Variants in SYNRG observed in about 807,000 individuals in gnomAD.
The protein encoded by SYNRG is synergin gamma.
A neutral mutation model predicts 130.9 loss-of-function variants in SYNRG; 37 were observed. The ratio of observed to expected loss-of-function variants is 0.28; its 90% confidence interval spans 0.22 to 0.37. The LOEUF is 0.37. Ranked by LOEUF, SYNRG falls within the 10% of genes least tolerant of loss-of-function variation. The pLI, the probability that SYNRG is intolerant of heterozygous loss-of-function variation, is 1.00. For synonymous variants in SYNRG, 539 were observed against 568.1 expected, an observed-to-expected ratio of 0.95 and a Z score of 0.73; for missense variants, 1,338 against 1,588.9, an observed-to-expected ratio of 0.84 and a Z score of 2.68.
At chr17:37,604,100 C>A (rs765357964) in intron 1 of SYNRG, among the ~76,000 whole-genome samples, 1 of 151,912 alleles carries the variant, frequency 6.6e-6, no homozygotes, top group Non-Finnish European at 1.5e-5. Flanking sequence ...ATTAGCCTGG[C>A]GTGGTGGTGC....
chr17:37,543,027 C>A (rs1304301864), intron 14 of SYNRG, among the ~76,000 whole-genome samples: 1 of 152,092 alleles, frequency 6.6e-6, no homozygotes, highest in Non-Finnish European at 1.5e-5. Context: ...GACAGTTTCT[C>A]AAAACTAAAA....
intron 14 of SYNRG, among the ~76,000 whole-genome samples, chr17:37,546,916 A>C (rs1293825812): frequency 1.3e-5 from 2 of 152,160 alleles, no homozygotes; most frequent in South Asian, 4.2e-4. Context: ...CCTGGGCCCT[A>C]ATCTCCCTTA....
intron 7 of SYNRG, 23 bp from the exon 8 acceptor site, chr17:37,576,441 G>A: frequency 1.2e-6 from 2 of 1,601,554 alleles, no homozygotes; most frequent in East Asian, 2.2e-5. Context: ...AAACATTAAT[G>A]TATATAGTGG....
At chr17:37,590,994 T>C (rs1324901884) in intron 3 of SYNRG, among the ~76,000 whole-genome samples, 1 of 152,164 alleles carries the variant, frequency 6.6e-6, no homozygotes, top group Non-Finnish European at 1.5e-5. Context: ...GAAAGTATTT[T>C]TCAATTCTTT....
Position 37,570,797 on chromosome 17 carries a change from G to A in SYNRG, c.1187C>T (p.Pro396Leu). ...CACAGTTGGCTGACTCACCGGTGTA[G>A]GCAGAGTCATAGAAAAGCCACTTAA... Reference protein sequence around the residue: ...PTLSGFSMTLPTPVSQPTVIP... With the variant: ...PTLSGFSMTLLTPVSQPTVIP... The change falls in exon 10 of 22, where the codon CCT becomes CTT. Residue 396 changes from proline to leucine, a missense_variant. This residue lies in a region of SYNRG where 1,146 missense variants were observed against 1,342.3 expected (regional missense o/e 0.85). Transcript: ENST00000612223. 6.2e-7 allele frequency: 1 copy of A among 1,614,200 alleles called. No individual in the cohort carries two copies. The highest frequency in any genetic ancestry group is 8.5e-7 in the Non-Finnish European group (1 of 1,180,040).
At chr17:37,544,561 C>T (rs1396093711) in intron 14 of SYNRG, among the ~76,000 whole-genome samples, 4 of 152,076 alleles carry the variant, frequency 2.6e-5, no homozygotes, top group Non-Finnish European at 1.5e-5. Flanking sequence ...GTGATCCGCC[C>T]GTCTCGGCCT....
At chr17:37,520,685 C>G (rs1417910992) in intron 19 of SYNRG, 37 bp from the exon 20 acceptor site, 1 of 1,555,050 alleles carries the variant, frequency 6.4e-7, no homozygotes, top group East Asian at 2.2e-5. Context: ...AAGAAGTCCA[C>G]AAGTCCACAC....
chr17:37,595,756 CTTT>C (rs950957073), intron 3 of SYNRG, among the ~76,000 whole-genome samples: 4 of 140,670 alleles, frequency 2.8e-5, no homozygotes, highest in Admixed American at 7.1e-5. Context: ...TTCCTCTGGC[CTTT>C]TTTTTTTTTT....
At chr17:37,568,311 C>T (rs2060149971) in intron 11 of SYNRG, 2 of 152,496 alleles carry the variant, frequency 1.3e-5, no homozygotes, top group South Asian at 4.1e-4. Context: ...TCTATGCAAA[C>T]AACAGAAATC....
chr17:37,587,968 T>C (rs1445261041), intron 3 of SYNRG, among the ~76,000 whole-genome samples: 1 of 152,092 alleles, frequency 6.6e-6, no homozygotes, highest in East Asian at 1.9e-4. Context: ...TGTTAATTTA[T>C]TTTTTTTCCG....
chr17:37,558,680 A>G (rs1055766118), intron 13 of SYNRG, among the ~76,000 whole-genome samples: 16 of 152,170 alleles, frequency 1.1e-4, no homozygotes, highest in African/African-American at 3.9e-4. Context: ...TAAAGTGGTG[A>G]TTGAGTTTAA....
intron 19 of SYNRG, among the ~76,000 whole-genome samples, chr17:37,526,102 C>T (rs1238582986): frequency 6.6e-6 from 1 of 151,998 alleles, no homozygotes; most frequent in African/African-American, 2.4e-5. Context: ...CACTGCACTC[C>T]AGCCTGGGCA....
intron 11 of SYNRG, among the ~76,000 whole-genome samples, chr17:37,564,119 T>G (rs2059745568): frequency 6.6e-6 from 1 of 152,158 alleles, no homozygotes. Context: ...AGTGCTGGGA[T>G]TACAGGTGTG....
chr17:37,580,697 G>C (rs1485432240), intron 6 of SYNRG, among the ~76,000 whole-genome samples: 4 of 152,106 alleles, frequency 2.6e-5, no homozygotes, highest in African/African-American at 9.7e-5. Context: ...ACCACACCCA[G>C]CTAACTTTTG....
chr17:37,537,631 AAAAAG>A (rs935430541), intron 18 of SYNRG, among the ~76,000 whole-genome samples: 4 of 152,192 alleles, frequency 2.6e-5, no homozygotes, highest in African/African-American at 4.8e-5. Context: ...ACCTGTCTTA[AAAAAG>A]AAAAGAAAAG....
In SYNRG at chr17:37,516,637, G is replaced by C. The variant is rs1343775204; in HGVS notation, c.*2303C>G. On this transcript the variant is annotated 3_prime_UTR_variant, in exon 22 of 22. Transcript: ENST00000612223. The stretch of plus-strand genomic sequence containing the variant: ...TATAGCATTTCAAAAAAATGCTTCA[G>C]CAATACAAATTCAAACTGGGAAACT... 2 of 150,960 alleles carry C rather than the reference G, an allele frequency of 1.3e-5. No individual in the cohort carries two copies. The highest frequency in any genetic ancestry group is 4.9e-5 in the African/African-American group (2 of 41,078). 9.4% of individuals were successfully genotyped at this position (150,960 alleles called of 1,614,324 possible).
At chr17:37,603,031 T>C (rs560090495) in intron 1 of SYNRG, among the ~76,000 whole-genome samples, 1 of 152,062 alleles carries the variant, frequency 6.6e-6, no homozygotes, top group South Asian at 2.1e-4. Flanking sequence ...AGACTCTGTC[T>C]CAAAACAAAA....
intron 13 of SYNRG, among the ~76,000 whole-genome samples, chr17:37,558,965 C>G (rs1411082007): frequency 1.3e-5 from 2 of 152,120 alleles, no homozygotes; most frequent in Non-Finnish European, 2.9e-5. Flanking sequence ...ACTTGGTCAT[C>G]TTTGTAGGAA....
At position 37,601,951 on chromosome 17, in the gene SYNRG, C is replaced by T. The variant is rs530244914; in HGVS notation, c.78-1548G>A. Among the ~76,000 whole-genome samples the T allele has an allele frequency of 4.6e-5, 7 of 152,000 alleles. No homozygotes were observed. In the South Asian group the frequency reaches 6.3e-4, roughly 14 times the overall value. The stretch of plus-strand genomic sequence containing the variant: ...GTGCTGGGGTTACAGACATGAGCTA[C>T]GGCACTTGGCCTAGGCTCTTTTGAA... On this transcript the variant is annotated intron_variant, in intron 1 of 21. Transcript: ENST00000612223.
Sources: allele counts gnomAD v4.1 joint callset (sites outside exome capture counted in the v4.1 genomes callset), GRCh38; gene constraint gnomAD v4.1.1; regional missense constraint gnomAD v4.1.1; transcripts MANE v1.5; gene names NCBI Gene and HGNC (gene_info 2026-07-23, HGNC 2026-07-21).